Variants in LRIF1 observed in about 807,000 individuals in gnomAD.
LRIF1 encodes ligand dependent nuclear receptor interacting factor 1, also known as ligand-dependent nuclear receptor-interacting factor 1.
A neutral mutation model predicts 52.7 loss-of-function variants in LRIF1; 32 were observed. The ratio of observed to expected loss-of-function variants is 0.61; its 90% CI spans 0.46 to 0.82. The LOEUF (loss-of-function observed/expected upper bound fraction) is 0.82, where lower values mean the gene tolerates loss of function less well. Ranked by LOEUF, LRIF1 falls within the 40% of genes least tolerant of loss-of-function variation. LRIF1 has a pLI of 0.00. For synonymous variants in LRIF1, 323 were observed against 317.4 expected (o/e 1.02, Z -0.19); for missense variants, 887 against 892.0 (o/e 0.99, Z 0.07).
chr1:110,894,989 C>G, the LRIF1 span: 2 of 1,613,912 alleles, frequency 1.2e-6, no homozygotes, highest in Non-Finnish European at 1.7e-6. Flanking sequence ...AGGGTCTGAC[C>G]GACAGCATCC....
chr1:110,896,905 A>G, the LRIF1 span, among the ~76,000 whole-genome samples: 98,534 of 152,082 alleles, frequency 0.65, 33,736 homozygotes, highest in Non-Finnish European at 0.77. Flanking sequence ...AAAAACATAC[A>G]AACAAACTCA....
the LRIF1 span, chr1:110,892,472 T>C: frequency 1.9e-6 from 3 of 1,614,132 alleles, no homozygotes; most frequent in African/African-American, 2.7e-5. Flanking sequence ...TCTATTATCA[T>C]GGTAGTTGCC....
At position 110,948,067 on chromosome 1, in the gene LRIF1, C is replaced by T. The variant is rs370405768; in HGVS notation, c.2202G>A (p.Pro734=). 12 of 1,613,896 alleles carry T rather than the reference C, an allele frequency of 7.4e-6. No homozygotes were observed. The highest frequency in any genetic ancestry group is 1.6e-4 in the Middle Eastern group (1 of 6,084). The change falls in exon 4 of 4, where the codon CCG becomes CCA. Residue 734 remains proline (P), a synonymous_variant. Transcript: ENST00000369763. ...CATCTCGAATGGTTTCTTCTAACTC[C>T]GGTGGTGTCACTGGGAAAATATCTT... ...YTEDIFPVTP[P]ELEETIRDEK...
chr1:110,896,598 C>T, the LRIF1 span: 2 of 1,546,428 alleles, frequency 1.3e-6, no homozygotes, highest in African/African-American at 2.7e-5. Context: ...AGGTCCACAG[C>T]TTTTTTTCAC....
the LRIF1 span, among the ~76,000 whole-genome samples, chr1:110,909,503 T>C: frequency 6.7e-6 from 1 of 148,750 alleles, no homozygotes; most frequent in Non-Finnish European, 1.5e-5. Context: ...CAATGACACA[T>C]ATAGGCTCAA....
At chr1:110,896,579 T>C in the LRIF1 span, 2 of 1,411,428 alleles carry the variant, frequency 1.4e-6, no homozygotes, top group Non-Finnish European at 2.0e-6. Context: ...GGGCACACCT[T>C]TTCCTCTAAG....
At chr1:110,933,061 C>A in the LRIF1 span, among the ~76,000 whole-genome samples, 1 of 152,142 alleles carries the variant, frequency 6.6e-6, no homozygotes, top group African/African-American at 2.4e-5. Flanking sequence ...ATTATTCCAA[C>A]TTTGGTTGTT....
chr1:110,894,383 C>G, the LRIF1 span: 1 of 1,613,730 alleles, frequency 6.2e-7, no homozygotes, highest in Non-Finnish European at 8.5e-7. Flanking sequence ...CCATCCTGCT[C>G]TTTGTATATG....
the LRIF1 span, chr1:110,894,545 A>G: frequency 1.6e-6 from 1 of 613,986 alleles, no homozygotes; most frequent in Non-Finnish European, 2.8e-6. Flanking sequence ...GAGTAATTGT[A>G]ATTGGGGGGA....
At chr1:110,953,043 T>G (rs1658549298) in intron 1 of LRIF1, 1 of 198,546 alleles carries the variant, frequency 5.0e-6, no homozygotes, top group African/African-American at 2.3e-5. Flanking sequence ...TAACATTTAT[T>G]CCTAAGACTA....
At chr1:110,898,568 C>A in the LRIF1 span, among the ~76,000 whole-genome samples, 1 of 151,890 alleles carries the variant, frequency 6.6e-6, no homozygotes, top group South Asian at 2.1e-4. Flanking sequence ...TGTTAAGGGG[C>A]TGATGACGAA....
At position 110,952,409 on chromosome 1, in the gene LRIF1, CT is replaced by C; in HGVS notation, c.474del (p.Asp159ThrfsTer6). 6.2e-7 allele frequency: 1 copy of C among 1,613,042 alleles called. No individual in the cohort carries two copies. Among genetic ancestry groups the C allele is most frequent in the Non-Finnish European group, 8.5e-7 (1 of 1,179,030 alleles). The stretch of plus-strand genomic sequence containing the variant: ...GTATTAACTACAATAAAAGATGAGT[CT>C]TTTTGTGTTGAGGGAGGAACAGCAA... ...QTFAVPPSTQ[K>X]DSSFIVVNTQ... On this transcript the variant is annotated frameshift_variant, in exon 2 of 4. Transcript: ENST00000369763. LOFTEE classifies it high-confidence loss of function.
chr1:110,905,720 T>C, the LRIF1 span, among the ~76,000 whole-genome samples: 1 of 152,104 alleles, frequency 6.6e-6, no homozygotes, highest in Non-Finnish European at 1.5e-5. Context: ...TAATAGTAAG[T>C]ACACAAAAAG....
the LRIF1 span, among the ~76,000 whole-genome samples, chr1:110,894,641 T>TG: frequency 6.6e-6 from 1 of 152,222 alleles, no homozygotes; most frequent in African/African-American, 2.4e-5. Context: ...TTCCTCTACT[T>TG]GCTTTCCTCT....
the LRIF1 span, among the ~76,000 whole-genome samples, chr1:110,878,563 A>T: frequency 2.0e-5 from 3 of 151,666 alleles, no homozygotes; most frequent in Non-Finnish European, 2.9e-5. Flanking sequence ...TAAATGTAGA[A>T]TTTTTTTTTA....
At chr1:110,889,886 T>C in the LRIF1 span, among the ~76,000 whole-genome samples, 1 of 152,200 alleles carries the variant, frequency 6.6e-6, no homozygotes, top group Non-Finnish European at 1.5e-5. Context: ...TTTATTTTAT[T>C]AAAGTAATCA....
intron 1 of LRIF1, among the ~76,000 whole-genome samples, chr1:110,959,736 C>CAAA (rs11320169): frequency 4.9e-3 from 273 of 55,596 alleles, no homozygotes; most frequent in Non-Finnish European, 6.0e-3. Flanking sequence ...GACTCCATCT[C>CAAA]AAAAAAAAAA....
chr1:110,931,847 G>A, the LRIF1 span, among the ~76,000 whole-genome samples: 39 of 150,938 alleles, frequency 2.6e-4, 1 homozygote, highest in Middle Eastern at 6.8e-3. Context: ...TTTTTTTCTT[G>A]GAAATTTGTT....
chr1:110,878,815 G>C, the LRIF1 span, among the ~76,000 whole-genome samples: 1 of 152,158 alleles, frequency 6.6e-6, no homozygotes. Flanking sequence ...GTTCAGTGGA[G>C]AAAGAAATGT....
Sources: allele counts gnomAD v4.1 joint callset (sites outside exome capture counted in the v4.1 genomes callset), GRCh38; gene constraint gnomAD v4.1.1; transcripts MANE v1.5; gene names NCBI Gene and HGNC (gene_info 2026-07-23, HGNC 2026-07-21).